Variants in DTWD2 observed in about 807,000 individuals in gnomAD.
The protein encoded by DTWD2 is DTW motif tRNA-uridine aminocarboxypropyltransferase 2.
A neutral mutation model predicts 31.8 loss-of-function variants in DTWD2; 39 were observed. The observed-to-expected ratio is 1.22, with a 90% CI of 0.95 to 1.60. DTWD2 has a LOEUF of 1.60. DTWD2 is among the 40% of genes most tolerant of loss of function. The pLI is 0.00. For synonymous variants in DTWD2, 180 were observed against 142.8 expected, an observed-to-expected ratio of 1.26 and a Z score of -1.86; for missense variants, 515 against 381.5, an observed-to-expected ratio of 1.35 and a Z score of -2.92.
At chr5:118,981,313 A>C (rs1054449603) in intron 1 of DTWD2, among the ~76,000 whole-genome samples, 1 of 152,146 alleles carries the variant, frequency 6.6e-6, no homozygotes, top group Non-Finnish European at 1.5e-5. Flanking sequence ...ATGTCACTAA[A>C]CTGTACACTT....
intron 1 of DTWD2, among the ~76,000 whole-genome samples, chr5:118,946,047 C>T (rs180919179): frequency 8.5e-5 from 13 of 152,296 alleles, no homozygotes; most frequent in Non-Finnish European, 2.9e-5. Context: ...GGTAAATTGG[C>T]TCAAACATCT....
chr5:118,982,386 CTTAA>C (rs1482568335), intron 1 of DTWD2, among the ~76,000 whole-genome samples: 12 of 152,052 alleles, frequency 7.9e-5, no homozygotes, highest in Non-Finnish European at 1.8e-4. Context: ...TCTTTGAAGA[CTTAA>C]TTAAGGTTAT....
chr5:118,842,616 A>C (rs1751744416), intron 5 of DTWD2, among the ~76,000 whole-genome samples: 1 of 152,104 alleles, frequency 6.6e-6, no homozygotes, highest in African/African-American at 2.4e-5. Context: ...CACTGCAGTA[A>C]GGGCTCTCTT....
chr5:118,975,467 G>C (rs987440777), intron 1 of DTWD2, among the ~76,000 whole-genome samples: 3 of 152,096 alleles, frequency 2.0e-5, no homozygotes, highest in Non-Finnish European at 2.9e-5. Context: ...CATTGGGTTA[G>C]AATATGCTCC....
At chr5:118,900,027 A>G (rs540334138) in intron 4 of DTWD2, among the ~76,000 whole-genome samples, 8 of 152,126 alleles carry the variant, frequency 5.3e-5, no homozygotes, top group African/African-American at 1.9e-4. Context: ...ACCTGGTCTC[A>G]AATTCCTGAC....
chr5:118,839,949 T>C lies in DTWD2; in HGVS notation c.*968A>G, dbSNP rs1281585738. On this transcript the variant is annotated 3_prime_UTR_variant, in exon 6 of 6. Coordinates refer to ENST00000510708, the MANE Select transcript of DTWD2 (RefSeq NM_173666.4). The stretch of plus-strand genomic sequence containing the variant: ...TAGATACAGGAAACTCTAGAACTCA[T>C]AAACAAAGACTAAACAAAATCCCCT... 1 of 152,142 alleles carries C rather than the reference T, an allele frequency of 6.6e-6. No individual in the cohort carries two copies. The highest frequency in any genetic ancestry group is 1.5e-5 in the Non-Finnish European group (1 of 68,018). 9.4% of individuals were successfully genotyped at this position (152,142 alleles called of 1,614,324 possible).
At chr5:118,974,826 T>C (rs1293073068) in intron 1 of DTWD2, among the ~76,000 whole-genome samples, 3 of 152,240 alleles carry the variant, frequency 2.0e-5, no homozygotes, top group Non-Finnish European at 4.4e-5. Flanking sequence ...AAAAATTCTT[T>C]TATTTAAGAA....
In DTWD2 at chr5:118,884,996, C is replaced by CAAAAAAAAAA. The variant is rs36042211; in HGVS notation, c.598-36788_598-36779dup. ...GGGGGACAGAGTGAGACTCCATCTC[C>CAAAAAAAAAA]AAAAAAAAAAAAAAAAAAAAAAATC... On this transcript the variant is annotated intron_variant, in intron 4 of 5. Coordinates refer to ENST00000510708, the MANE Select transcript of DTWD2 (RefSeq NM_173666.4). Among the ~76,000 whole-genome samples the CAAAAAAAAAA allele has an allele frequency of 4.2e-3, 210 of 49,732 alleles. 11 individuals carry two copies. The highest frequency in any genetic ancestry group is 0.017 in the African/African-American group (202 of 11,984). The allele number at this position is 49,732 out of a possible 152,430, so 32.6% of individuals were successfully genotyped here.
intron 4 of DTWD2, among the ~76,000 whole-genome samples, chr5:118,907,502 G>A (rs1291449599): frequency 2.0e-5 from 3 of 152,040 alleles, no homozygotes; most frequent in South Asian, 2.1e-4. Context: ...AGGCCAAGGC[G>A]GGCAGATCAC....
intron 1 of DTWD2, among the ~76,000 whole-genome samples, chr5:118,966,844 A>G (rs1432494991): frequency 2.0e-5 from 3 of 152,120 alleles, no homozygotes; most frequent in African/African-American, 7.2e-5. Context: ...AGCCTGACCA[A>G]TGTGGTGAAA....
chr5:118,963,548 A>C (rs1478197765), intron 1 of DTWD2, among the ~76,000 whole-genome samples: 1 of 152,248 alleles, frequency 6.6e-6, no homozygotes, highest in Non-Finnish European at 1.5e-5. Flanking sequence ...TAAGCATTGA[A>C]GTTCTCCAGG....
intron 1 of DTWD2, 99 bp downstream of exon 1, chr5:118,988,195 G>C: frequency 6.9e-7 from 1 of 1,441,018 alleles, no homozygotes; most frequent in Non-Finnish European, 9.4e-7. Context: ...CGCCCTAATC[G>C]CAGAGCTGCC....
chr5:118,867,476 G>C (rs192470036), intron 4 of DTWD2, among the ~76,000 whole-genome samples: 10 of 152,264 alleles, frequency 6.6e-5, no homozygotes, highest in Admixed American at 6.5e-5. Context: ...ACAGCAGAAT[G>C]ATTAAAAACT....
At chr5:118,846,225 T>A (rs912361906) in intron 5 of DTWD2, among the ~76,000 whole-genome samples, 1 of 152,136 alleles carries the variant, frequency 6.6e-6, no homozygotes, top group Non-Finnish European at 1.5e-5. Flanking sequence ...TTAATTAATA[T>A]AATGTACAAA....
At chr5:118,841,288 C>T (rs917897590) in intron 5 of DTWD2, among the ~76,000 whole-genome samples, 3 of 151,998 alleles carry the variant, frequency 2.0e-5, no homozygotes, top group African/African-American at 7.2e-5. Context: ...TAATATTACA[C>T]TAAGGAATTT....
At chr5:118,886,392 G>T (rs927821173) in intron 4 of DTWD2, among the ~76,000 whole-genome samples, 4 of 152,170 alleles carry the variant, frequency 2.6e-5, no homozygotes, top group African/African-American at 9.7e-5. Context: ...TCCCTGTGAA[G>T]GAATATGTTG....
chr5:118,870,219 T>A (rs1454492309), intron 4 of DTWD2, among the ~76,000 whole-genome samples: 1 of 152,254 alleles, frequency 6.6e-6, no homozygotes, highest in East Asian at 1.9e-4. Flanking sequence ...ATACATTATG[T>A]ATCACAGATA....
rs1751557818 is a variant in DTWD2, at chr5:118,836,172, A to C, written c.*4745T>G. Among the ~76,000 whole-genome samples the C allele has an allele frequency of 6.6e-6, 1 of 152,166 alleles. No individual in the cohort carries two copies. The highest frequency in any genetic ancestry group is 2.1e-4 in the South Asian group (1 of 4,830). The stretch of plus-strand genomic sequence containing the variant: ...CTTATTCGAATAATTTTTTTAAAAA[A>C]CCTTACATTAAAAAGTTTCTTTTAA... On this transcript the variant is annotated 3_prime_UTR_variant, in exon 6 of 6. Coordinates refer to ENST00000510708, the MANE Select transcript of DTWD2 (RefSeq NM_173666.4).
chr5:118,913,502 T>C (rs1375483198), intron 4 of DTWD2, among the ~76,000 whole-genome samples: 6 of 149,864 alleles, frequency 4.0e-5, no homozygotes, highest in East Asian at 3.9e-4. Flanking sequence ...GTATGGTCTA[T>C]AGAGTTTTAA....
Sources: gnomAD v4.1 joint callset for allele counts (sites outside exome capture counted in the v4.1 genomes callset) on GRCh38, gnomAD v4.1.1 for gene constraint, MANE v1.5 for transcripts, NCBI Gene and HGNC (gene_info 2026-07-23, HGNC 2026-07-21) for gene names.